PLD5: variants seen among roughly 807,000 people sequenced by gnomAD.
The protein encoded by PLD5 is inactive phospholipase D5.
Under a neutral mutation model 61.1 loss-of-function variants are expected in PLD5, and 36 were observed. The observed-to-expected ratio is 0.59, with a 90% CI of 0.45 to 0.78. The LOEUF (loss-of-function observed/expected upper bound fraction) is 0.78, where lower values mean the gene tolerates loss of function less well. Among genes scored for constraint, PLD5 ranks in the 30% least tolerant of loss-of-function variants. The probability of loss-of-function intolerance (pLI) is 0.00; values close to 1 mark genes in which losing one functional copy is unlikely to be tolerated. For missense variants in PLD5, 515 were observed against 644.4 expected (o/e 0.80, Z 2.17); for synonymous variants, 243 against 242.8 (o/e 1.00, Z -0.01).
intron 3 of PLD5, among the ~76,000 whole-genome samples, chr1:242,272,289 T>C (rs2455517): frequency 6.6e-6 from 1 of 152,186 alleles, no homozygotes; most frequent in Non-Finnish European, 1.5e-5. Context: ...ATGCAATTAA[T>C]ACACTATCAC....
At chr1:242,347,770 T>C (rs1295584573) in intron 2 of PLD5, among the ~76,000 whole-genome samples, 1 of 152,178 alleles carries the variant, frequency 6.6e-6, no homozygotes, top group Admixed American at 6.5e-5. Context: ...TAGCACAGCG[T>C]TCTTTGTCCA....
chr1:242,447,792 C>T (rs368216721), intron 1 of PLD5, among the ~76,000 whole-genome samples: 17 of 152,178 alleles, frequency 1.1e-4, no homozygotes, highest in African/African-American at 4.1e-4. Flanking sequence ...CAGCCCCTGA[C>T]CTGCTCCTCA....
intron 5 of PLD5, among the ~76,000 whole-genome samples, chr1:242,206,101 C>T (rs1481489514): frequency 6.6e-6 from 1 of 152,338 alleles, no homozygotes; most frequent in African/African-American, 2.4e-5. Context: ...AAAGAACTAT[C>T]ACTACTCAAG....
In PLD5 at chr1:242,348,157, A is replaced by T; in HGVS notation, c.275T>A (p.Met92Lys). 6.2e-7 allele frequency: 1 copy of T among 1,613,888 alleles called. No homozygotes were observed. The highest frequency in any genetic ancestry group is 8.5e-7 in the Non-Finnish European group (1 of 1,179,890). ...TGAGAGTCCATCCTCATCCTCTCCC[A>T]TGATGTCCACGGCTGAAAAGATCAG... ...VALIFSAVDIMGEDEDGLSEK... is the reference protein window; with the variant it reads ...VALIFSAVDIKGEDEDGLSEK... Residue 92 changes from methionine to lysine, a missense_variant, in exon 2 of 10, where the codon ATG becomes AAG. Around this residue, in one of 2 missense-constraint regions of PLD5, gnomAD observed 450 missense variants for 598.1 expected, o/e 0.75. Coordinates refer to ENST00000536534, the MANE Select transcript of PLD5 (RefSeq NM_001372062.1).
At chr1:242,101,287 G>A (rs1660662674) in intron 8 of PLD5, among the ~76,000 whole-genome samples, 1 of 149,798 alleles carries the variant, frequency 6.7e-6, no homozygotes, top group South Asian at 2.1e-4. Context: ...CCTAAGTCTA[G>A]GAGCTCTTTT....
At chr1:242,359,561 C>T (rs1660956341) in intron 1 of PLD5, among the ~76,000 whole-genome samples, 1 of 152,168 alleles carries the variant, frequency 6.6e-6, no homozygotes, top group African/African-American at 2.4e-5. Flanking sequence ...GGCCAATTCG[C>T]TGTTGTCACT....
intron 1 of PLD5, among the ~76,000 whole-genome samples, chr1:242,517,904 A>G (rs1253653060): frequency 6.6e-6 from 1 of 151,738 alleles, no homozygotes; most frequent in Admixed American, 6.6e-5. Context: ...TTTTTTTTTT[A>G]TGTCAATGAG....
At chr1:242,377,084 G>A in intron 1 of PLD5, 1 of 1,611,714 alleles carries the variant, frequency 6.2e-7, no homozygotes, top group South Asian at 1.1e-5. Flanking sequence ...GGCTGGGTTT[G>A]TTCTCCTGTT....
chr1:242,414,645 A>G (rs1664726787), intron 1 of PLD5, among the ~76,000 whole-genome samples: 1 of 152,224 alleles, frequency 6.6e-6, no homozygotes, highest in Non-Finnish European at 1.5e-5. Flanking sequence ...CAAACACATC[A>G]AAGACTCGGA....
intron 1 of PLD5, among the ~76,000 whole-genome samples, chr1:242,520,690 A>G (rs1201061116): frequency 6.6e-6 from 1 of 152,194 alleles, no homozygotes; most frequent in Admixed American, 6.5e-5. Context: ...TCCCCTTTAA[A>G]AAAGAAAAAT....
Position 242,419,409 on chromosome 1 carries a change from G to A in PLD5, c.190-71167C>T, listed in dbSNP as rs546429129. 2.5e-4 allele frequency among the ~76,000 whole-genome samples: 36 copies of A among 141,274 alleles called. 1 individual carries two copies. The East Asian group carries it at 6.2e-3, about 24-fold the overall frequency. 92.7% of individuals were successfully genotyped at this position (141,274 alleles called of 152,430 possible). ...TTGTTTTTTTTTTTTTTTTTTTGGC[G>A]GGGGGAGACAGAGTCTCGCACTGTT... On this transcript the variant is annotated intron_variant, in intron 1 of 9. Transcript: ENST00000536534.
Position 242,484,025 on chromosome 1 carries a change from C to A in PLD5, c.189+40063G>T, listed in dbSNP as rs566700294. On this transcript the variant is annotated intron_variant, in intron 1 of 9. Coordinates refer to ENST00000536534, the MANE Select transcript of PLD5 (RefSeq NM_001372062.1). ...TTTGAAACCAATGAGAACAAAGACA[C>A]AACATACCAGAATCTCTGGGACACA... Among the ~76,000 whole-genome samples the A allele has an allele frequency of 1.4e-4, 21 of 152,244 alleles. No individual in the cohort carries two copies. The South Asian group carries it at 2.5e-3, about 18-fold the overall frequency.
chr1:242,415,347 C>A (rs1036911906), intron 1 of PLD5, among the ~76,000 whole-genome samples: 1 of 152,146 alleles, frequency 6.6e-6, no homozygotes, highest in Non-Finnish European at 1.5e-5. Flanking sequence ...AACAACCCAT[C>A]AGCAGAGGAG....
At chr1:242,438,590 C>T (rs888378050) in intron 1 of PLD5, among the ~76,000 whole-genome samples, 38 of 151,884 alleles carry the variant, frequency 2.5e-4, no homozygotes, top group Admixed American at 2.0e-3. Context: ...ATTACCGGCA[C>T]GCATCACCAC....
intron 4 of PLD5, among the ~76,000 whole-genome samples, chr1:242,233,704 C>T (rs929201090): frequency 1.3e-5 from 2 of 152,084 alleles, no homozygotes; most frequent in African/African-American, 4.8e-5. Flanking sequence ...ATAGTGCTGG[C>T]CATGTTTTTG....
the PLD5 span, among the ~76,000 whole-genome samples, chr1:242,530,004 G>C: frequency 6.6e-6 from 1 of 152,080 alleles, no homozygotes; most frequent in African/African-American, 2.4e-5. Flanking sequence ...GAGTAACTGA[G>C]ATTACAGGTG....
chr1:242,097,688 C>T (rs984637860), intron 9 of PLD5, among the ~76,000 whole-genome samples: 30 of 152,240 alleles, frequency 2.0e-4, no homozygotes, highest in African/African-American at 7.2e-4. Context: ...TTCTCCCATT[C>T]TGTAGGTTGC....
chr1:242,143,396 G>T (rs1286689330), intron 5 of PLD5, among the ~76,000 whole-genome samples: 1 of 152,084 alleles, frequency 6.6e-6, no homozygotes, highest in African/African-American at 2.4e-5. Flanking sequence ...ATAGGCTTTT[G>T]CCAAGTATTC....
chr1:242,262,175 T>C (rs1434008680), intron 4 of PLD5, among the ~76,000 whole-genome samples: 5 of 152,294 alleles, frequency 3.3e-5, no homozygotes, highest in Admixed American at 3.3e-4. Flanking sequence ...CATGTATTGG[T>C]CTTATAAACA....
Sources: gnomAD v4.1 joint callset for allele counts (sites outside exome capture counted in the v4.1 genomes callset) on GRCh38, gnomAD v4.1.1 for gene constraint, gnomAD v4.1.1 regional missense constraint, MANE v1.5 for transcripts, NCBI Gene and HGNC (gene_info 2026-07-23, HGNC 2026-07-21) for gene names.